Variants in SH2D3C observed in about 807,000 individuals in gnomAD.
SH2D3C encodes SH2 domain containing 3C.
In SH2D3C, 25 loss-of-function variants were observed where a neutral mutation model predicts 75.2. The ratio of observed to expected loss-of-function variants is 0.33; its 90% confidence interval spans 0.24 to 0.46. The LOEUF (loss-of-function observed/expected upper bound fraction) is 0.46. Ranked by LOEUF, SH2D3C falls within the 20% of genes least tolerant of loss-of-function variation. The pLI is 1.00. For missense variants in SH2D3C, 933 were observed against 1,165.3 expected, an observed-to-expected ratio of 0.80 and a Z score of 2.90; for synonymous variants, 450 against 473.7, an observed-to-expected ratio of 0.95 and a Z score of 0.65.
chr9:127,753,739 A>AAACC (rs1375100389), intron 3 of SH2D3C, among the ~76,000 whole-genome samples: 4 of 152,234 alleles, frequency 2.6e-5, no homozygotes, highest in Non-Finnish European at 5.9e-5. Flanking sequence ...AGTGGGCGTC[A>AAACC]CAGGGAAAAA....
At position 127,777,688 on chromosome 9, in the gene SH2D3C, A is replaced by C. The variant is rs888101295; in HGVS notation, c.37+903T>G. On this transcript the variant is annotated intron_variant, in intron 1 of 11. Coordinates refer to ENST00000314830, the MANE Select transcript of SH2D3C (RefSeq NM_170600.3). ...TCAGAGACAGCCAGAGACACAGTGG[A>C]CTGCAGAGATCGAGAGACGCGGTGG... is the stretch of plus-strand genomic sequence containing the variant. 3.9e-5 allele frequency among the ~76,000 whole-genome samples: 6 copies of C among 152,214 alleles called. No individual in the cohort carries two copies. The East Asian group carries it at 1.2e-3, about 29-fold the overall frequency.
At chr9:127,760,178 C>CA (rs1168809271) in intron 3 of SH2D3C, among the ~76,000 whole-genome samples, 2 of 151,862 alleles carry the variant, frequency 1.3e-5, no homozygotes, top group South Asian at 2.1e-4. Flanking sequence ...TGATGGATTG[C>CA]AAAAAACAAG....
At position 127,749,074 on chromosome 9, in the gene SH2D3C, C is replaced by T. The variant is rs1845116481; in HGVS notation, c.1139+137G>A. On this transcript the variant is annotated intron_variant, in intron 5 of 11. Transcript: ENST00000314830. The surrounding 1 kb of genome is among the most constrained non-coding windows in gnomAD (Gnocchi z 5.9). ...TGTACATCCACAGAGTATGGCCCAA[C>T]CTTCCTCCCATTCCTCCCTGCACAC... is the stretch of plus-strand genomic sequence containing the variant. The T allele has an allele frequency of 2.8e-6, 2 of 719,816 alleles. No individual in the cohort carries two copies. The highest frequency in any genetic ancestry group is 3.5e-5 in the African/African-American group (2 of 56,392). 44.6% of individuals were successfully genotyped at this position (719,816 alleles called of 1,614,324 possible).
chr9:127,757,398 G>A (rs776259674), intron 3 of SH2D3C, among the ~76,000 whole-genome samples: 45 of 150,982 alleles, frequency 3.0e-4, no homozygotes, highest in Middle Eastern at 3.4e-3. Context: ...AGCCTCCCGA[G>A]TAGCTGGGAC....
At chr9:127,740,178 G>T (rs1588487546) in intron 10 of SH2D3C, 80 bp downstream of exon 10, 3 of 1,184,298 alleles carry the variant, frequency 2.5e-6, no homozygotes, top group East Asian at 4.7e-5. Context: ...CAGCCAGGCT[G>T]TCATCACTGT....
In SH2D3C at chr9:127,751,107, C is replaced by G. The variant is rs534289588; in HGVS notation, c.684+65G>C. 55 of 1,569,862 alleles carry G rather than the reference C, an allele frequency of 3.5e-5. No individual in the cohort carries two copies. The South Asian group carries it at 5.6e-4, about 16-fold the overall frequency. ...GCCTCCCAGGTGGCTGCAGCCAGGG[C>G]TGGGGCTGGCCAAGGCAGTGGGTGG... On this transcript the variant is annotated intron_variant, in intron 4 of 11. Coordinates refer to ENST00000314830, the MANE Select transcript of SH2D3C (RefSeq NM_170600.3). This position sits in a 1 kb window ranked among gnomAD's most constrained non-coding sequence, Gnocchi z 4.1.
rs765668544 is a variant in SH2D3C at position 127,739,808 on chromosome 9, C to T, written c.2281G>A (p.Glu761Lys). The T allele has an allele frequency of 1.3e-6, 2 of 1,591,846 alleles. No individual in the cohort carries two copies. Among genetic ancestry groups the T allele is most frequent in the African/African-American group, 1.3e-5 (1 of 74,448 alleles). The stretch of plus-strand genomic sequence containing the variant: ...GTGCTGCCCCAGGGCTCAGGGCCCT[C>T]TGGTGGGGCCGAGTCACACTCCAGC... ...TLLECDSAPP[E>K]GPEPWGSTEH... Residue 761 changes from glutamate to lysine, a missense_variant, in exon 11 of 12, where the codon GAG (glutamate) becomes AAG (lysine). By Grantham distance (56) the Glu-to-Lys change is moderately conservative (BLOSUM62 1). Transcript: ENST00000314830. The surrounding 1 kb of genome is among the most constrained non-coding windows in gnomAD (Gnocchi z 4.3).
At chr9:127,777,836 G>A (rs922612431) in intron 1 of SH2D3C, among the ~76,000 whole-genome samples, 3 of 152,092 alleles carry the variant, frequency 2.0e-5, no homozygotes, top group Non-Finnish European at 2.9e-5. Context: ...AGAGACGTCT[G>A]CAGAGAGACA....
intron 6 of SH2D3C, 129 bp downstream of exon 6, chr9:127,747,018 G>T: frequency 1.2e-6 from 1 of 835,932 alleles, no homozygotes; most frequent in Non-Finnish European, 1.9e-6. Context: ...GGATTCCAGT[G>T]TCAGTTCTTT....
rs368818878 is a variant in SH2D3C at position 127,739,022 on chromosome 9, G to A, written c.2408-101C>T. 113 of 1,076,568 alleles carry A rather than the reference G, an allele frequency of 1.0e-4. No individual in the cohort carries two copies. The African/African-American group carries it at 1.5e-3, about 14-fold the overall frequency. The allele number at this position is 1,076,568 out of a possible 1,614,324, so 66.7% of individuals were successfully genotyped here. A position where few individuals can be genotyped will look rare whatever the true frequency, so the allele number is the denominator to read the frequency against. ...CTGTTAGGGACCTCCCCTCAACTCC[G>A]CCAGGGATCCAACAAGGTTTGTGAA... On this transcript the variant is annotated intron_variant, in intron 11 of 11. Transcript: ENST00000314830. This position sits in a 1 kb window ranked among gnomAD's most constrained non-coding sequence, Gnocchi z 4.3.
chr9:127,739,581 TG>T lies in SH2D3C; in HGVS notation c.2407+100del. 1 of 992,056 alleles carries T rather than the reference TG, an allele frequency of 1.0e-6. No individual in the cohort carries two copies. Among genetic ancestry groups the T allele is most frequent in the Non-Finnish European group, 1.5e-6 (1 of 672,512 alleles). The allele number at this position is 992,056 out of a possible 1,614,324, so 61.5% of individuals were successfully genotyped here. A position where few individuals can be genotyped will look rare whatever the true frequency, so the allele number is the denominator to read the frequency against. On this transcript the variant is annotated intron_variant, in intron 11 of 11. Transcript: ENST00000314830. This position sits in a 1 kb window ranked among gnomAD's most constrained non-coding sequence, Gnocchi z 4.3. ...AGGGAGACAGGGCAGGACAGAGGAG[TG>T]GAGAAATGTGAATGGATGCCTTGGA...
At chr9:127,766,322 C>A (rs1247597532) in intron 2 of SH2D3C, among the ~76,000 whole-genome samples, 10 of 152,238 alleles carry the variant, frequency 6.6e-5, no homozygotes, top group Non-Finnish European at 8.8e-5. Flanking sequence ...CAGCTTTTCC[C>A]CTGCCCCTGA....
Position 127,751,235 on chromosome 9 carries a change from C to T in SH2D3C, c.621G>A (p.Glu207=), listed in dbSNP as rs1845193697. ...PEKLHKELEE[E]LKLSSTDLRS... ...GGAGATCCGTGCTGCTGAGTTTGAGCTCCTCCTCCAATTCCTTGTGGAGTT... is the reference window on the plus strand; with the variant it reads ...GGAGATCCGTGCTGCTGAGTTTGAGTTCCTCCTCCAATTCCTTGTGGAGTT... Residue 207 remains glutamate (E), a synonymous_variant, in exon 4 of 12, where the codon GAG becomes GAA. Transcript: ENST00000314830. The surrounding 1 kb of genome is among the most constrained non-coding windows in gnomAD (Gnocchi z 4.1). 5.6e-6 allele frequency: 9 copies of T among 1,614,010 alleles called. No individual in the cohort carries two copies. Among genetic ancestry groups the T allele is most frequent in the Non-Finnish European group, 7.6e-6 (9 of 1,179,832 alleles).
intron 7 of SH2D3C, among the ~76,000 whole-genome samples, chr9:127,743,593 GC>G (rs1384661422): frequency 6.6e-6 from 1 of 152,240 alleles, no homozygotes; most frequent in Non-Finnish European, 1.5e-5. Flanking sequence ...TGAAGCCCGG[GC>G]AGGGAATGGG....
intron 2 of SH2D3C, among the ~76,000 whole-genome samples, chr9:127,766,648 C>T (rs1299126195): frequency 6.6e-6 from 1 of 152,188 alleles, no homozygotes; most frequent in African/African-American, 2.4e-5. Context: ...CGGCTCACTG[C>T]AACCTCTGCC....
intron 2 of SH2D3C, chr9:127,762,437 GTGTATCCAAAGCAGAAC>G (rs978428323): frequency 1.5e-6 from 1 of 651,294 alleles, no homozygotes; most frequent in Admixed American, 2.3e-5. Flanking sequence ...TCTACAACTT[GTGTATCCAAAGCAGAAC>G]TGTGGCTCCT....
chr9:127,754,929 CG>C lies in SH2D3C; in HGVS notation c.556-3630del. ...CCCAGAGGTGAGGCTGGGGTGACCC[CG>C]CCCCCTCCCCGGGTCGGCCGGGCCC... On this transcript the variant is annotated intron_variant, in intron 3 of 11. Coordinates refer to ENST00000314830, the MANE Select transcript of SH2D3C (RefSeq NM_170600.3). The surrounding 1 kb of genome is among the most constrained non-coding windows in gnomAD (Gnocchi z 4.4). The C allele has an allele frequency of 2.0e-6, 1 of 512,330 alleles. No homozygotes were observed. The allele number at this position is 512,330 out of a possible 1,614,324, so 31.7% of individuals were successfully genotyped here.
chr9:127,750,092 T>G (rs141197552), intron 4 of SH2D3C, among the ~76,000 whole-genome samples: 1 of 152,046 alleles, frequency 6.6e-6, no homozygotes, highest in East Asian at 1.9e-4. Context: ...CTCAAGCTGC[T>G]TTTTTGTCCT....
At position 127,744,913 on chromosome 9, in the gene SH2D3C, A is replaced by G; in HGVS notation, c.1451T>C (p.Leu484Pro). The G allele has an allele frequency of 6.2e-7, 1 of 1,605,348 alleles. No homozygotes were observed. The highest frequency in any genetic ancestry group is 1.7e-5 in the Admixed American group (1 of 59,486). Residue 484 changes from leucine to proline, a missense_variant, in exon 7 of 12, where the codon CTC (leucine) becomes CCC (proline). Leu to Pro is a moderately conservative substitution (Grantham distance 98). Coordinates refer to ENST00000314830, the MANE Select transcript of SH2D3C (RefSeq NM_170600.3). ...TLGKASPSPS[L>P]SSYSDPDSGH... ...AGAGTCCGGGTCACTGTAGCTGCTG[A>G]GTGATGGTGACGGGGAGGCCTTGCC...
Sources: allele counts gnomAD v4.1 joint callset (sites outside exome capture counted in the v4.1 genomes callset), GRCh38; gene constraint gnomAD v4.1.1; non-coding constraint Gnocchi (gnomAD v3.1); transcripts MANE v1.5; gene names NCBI Gene and HGNC (gene_info 2026-07-23, HGNC 2026-07-21).